ARL15: variants seen among roughly 807,000 people sequenced by gnomAD.
ARL15 encodes ADP-ribosylation factor-like protein 15.
A neutral mutation model predicts 25.2 loss-of-function variants in ARL15; 19 were observed. The observed-to-expected ratio is 0.75, with a 90% CI of 0.53 to 1.10. The LOEUF is 1.10. Among genes scored for constraint, ARL15 ranks in the 50% least tolerant of loss-of-function variants. The probability of loss-of-function intolerance (pLI) is 0.00; values close to 1 mark genes in which losing one functional copy is unlikely to be tolerated. For missense variants in ARL15, 220 were observed against 246.0 expected (o/e 0.89, Z 0.71); for synonymous variants, 94 against 86.8 (o/e 1.08, Z -0.46).
At chr5:54,134,513 T>A (rs1280412942) in intron 3 of ARL15, among the ~76,000 whole-genome samples, 1 of 150,558 alleles carries the variant, frequency 6.6e-6, no homozygotes, top group African/African-American at 2.4e-5. Flanking sequence ...TACAGTTTTA[T>A]AATTACATGT....
chr5:53,949,459 G>A (rs967844067), intron 4 of ARL15, among the ~76,000 whole-genome samples: 7 of 152,132 alleles, frequency 4.6e-5, no homozygotes, highest in African/African-American at 1.7e-4. Context: ...ATACAATCAA[G>A]GGACCAACTT....
chr5:54,112,990 C>T, intron 4 of ARL15: 1 of 515,140 alleles, frequency 1.9e-6, no homozygotes, highest in East Asian at 3.2e-5. Flanking sequence ...TGCTAAATAG[C>T]TAGAAAACTC....
intron 1 of ARL15, among the ~76,000 whole-genome samples, chr5:54,221,091 C>T (rs1756361155): frequency 6.6e-6 from 1 of 152,174 alleles, no homozygotes; most frequent in Non-Finnish European, 1.5e-5. Context: ...CACCTTTTAT[C>T]TTCAATCTGT....
chr5:54,240,743 ATCCGAAATCCACAAAGC>A lies in ARL15; in HGVS notation c.49-68832_49-68816del, dbSNP rs529897242. Among the ~76,000 whole-genome samples, 1,062 of 152,216 alleles carry A rather than the reference ATCCGAAATCCACAAAGC, an allele frequency of 7.0e-3. 9 individuals carry two copies. The highest frequency in any genetic ancestry group is 0.023 in the African/African-American group (947 of 41,498). ...TCAAAATACAAGTTGAGGATCCCTA[ATCCGAAATCCACAAAGC>A]TCCGAAATCCACAAAGCTCCGAAAT... On this transcript the variant is annotated intron_variant, in intron 1 of 4. Transcript: ENST00000504924.
At position 54,267,641 on chromosome 5, in the gene ARL15, T is replaced by TA. The variant is rs899648724; in HGVS notation, c.48+42790dup. On this transcript the variant is annotated intron_variant, in intron 1 of 4. Transcript: ENST00000504924. ...GAGATTTGAAAAACATTACTTTTTT[T>TA]AAAAAAAAAAGAACAAGCCTGGTGG... Among the ~76,000 whole-genome samples, 93 of 151,178 alleles carry TA rather than the reference T, an allele frequency of 6.2e-4. 1 individual carries two copies. The highest frequency in any genetic ancestry group is 1.8e-3 in the Admixed American group (27 of 15,146).
intron 4 of ARL15, among the ~76,000 whole-genome samples, chr5:54,004,290 C>T (rs1223582861): frequency 2.6e-5 from 4 of 152,014 alleles, no homozygotes; most frequent in South Asian, 2.1e-4. Flanking sequence ...GTCAAGAGAT[C>T]GAGACCATCC....
At chr5:54,175,410 C>T (rs915376030) in intron 1 of ARL15, among the ~76,000 whole-genome samples, 1 of 151,938 alleles carries the variant, frequency 6.6e-6, no homozygotes, top group African/African-American at 2.4e-5. Flanking sequence ...TCTCGGCTCA[C>T]AGCAACCTCC....
chr5:53,978,063 CA>C (rs1392046779), intron 4 of ARL15, among the ~76,000 whole-genome samples: 4 of 151,970 alleles, frequency 2.6e-5, no homozygotes, highest in Admixed American at 2.6e-4. Context: ...CACCTAAATC[CA>C]AAAAGGTCTA....
chr5:54,164,462 G>T (rs546625067), intron 2 of ARL15, among the ~76,000 whole-genome samples: 1 of 152,150 alleles, frequency 6.6e-6, no homozygotes, highest in South Asian at 2.1e-4. Flanking sequence ...GAGAGAAACT[G>T]ACGTCGCTGA....
intron 1 of ARL15, among the ~76,000 whole-genome samples, chr5:54,217,938 A>G (rs537594714): frequency 4.3e-5 from 5 of 115,278 alleles, no homozygotes; most frequent in South Asian, 5.7e-4. Flanking sequence ...TAAAAGGGGG[A>G]AAAAAAATCA....
intron 4 of ARL15, among the ~76,000 whole-genome samples, chr5:53,887,096 C>T (rs954959412): frequency 1.3e-5 from 2 of 152,118 alleles, no homozygotes; most frequent in African/African-American, 4.8e-5. Flanking sequence ...CTCACCTTGC[C>T]AACTTATTAA....
chr5:53,887,795 G>T (rs1431273791), intron 4 of ARL15, among the ~76,000 whole-genome samples: 2 of 151,944 alleles, frequency 1.3e-5, no homozygotes, highest in African/African-American at 4.8e-5. Context: ...GTCAATACTT[G>T]ACCTAGAAAA....
chr5:54,280,058 C>T (rs1376131494), intron 1 of ARL15, among the ~76,000 whole-genome samples: 1 of 152,248 alleles, frequency 6.6e-6, no homozygotes, highest in African/African-American at 2.4e-5. Context: ...ACTCCAGCAA[C>T]AGGCAACTTT....
At chr5:53,935,059 G>A (rs1474687984) in intron 4 of ARL15, among the ~76,000 whole-genome samples, 1 of 152,100 alleles carries the variant, frequency 6.6e-6, no homozygotes, top group East Asian at 1.9e-4. Flanking sequence ...GAGTCAACAG[G>A]GATAAAAAGA....
At chr5:54,175,115 A>C (rs1754827687) in intron 1 of ARL15, among the ~76,000 whole-genome samples, 1 of 152,236 alleles carries the variant, frequency 6.6e-6, no homozygotes, top group South Asian at 2.1e-4. Flanking sequence ...CATCCGGTTT[A>C]AATTATTCAT....
chr5:54,071,987 A>G (rs541904927), intron 4 of ARL15, among the ~76,000 whole-genome samples: 4 of 151,570 alleles, frequency 2.6e-5, no homozygotes, highest in South Asian at 2.1e-4. Context: ...AAGAAAAAAA[A>G]AAAAAAAAGA....
chr5:54,185,575 G>T (rs1360055757), intron 1 of ARL15, among the ~76,000 whole-genome samples: 1 of 152,130 alleles, frequency 6.6e-6, no homozygotes, highest in Non-Finnish European at 1.5e-5. Context: ...TGATGTGCGT[G>T]GCTATGATTA....
intron 4 of ARL15, among the ~76,000 whole-genome samples, chr5:54,107,247 C>T (rs181834209): frequency 6.6e-6 from 1 of 152,166 alleles, no homozygotes; most frequent in African/African-American, 2.4e-5. Context: ...TGGCTCCCTC[C>T]CACAACACGT....
At chr5:54,042,556 T>C (rs578003759) in intron 4 of ARL15, among the ~76,000 whole-genome samples, 1 of 152,340 alleles carries the variant, frequency 6.6e-6, no homozygotes, top group South Asian at 2.1e-4. Flanking sequence ...CTTTAATAAC[T>C]GGACTCTTGG....
Sources: allele counts gnomAD v4.1 joint callset (sites outside exome capture counted in the v4.1 genomes callset), GRCh38; gene constraint gnomAD v4.1.1; transcripts MANE v1.5; gene names NCBI Gene and HGNC (gene_info 2026-07-23, HGNC 2026-07-21).